The following AGBL1 variants were observed in gnomAD, a reference collection of about 807,000 sequenced individuals.
The protein encoded by AGBL1 is cytosolic carboxypeptidase 4.
A neutral mutation model predicts 118.9 loss-of-function variants in AGBL1; 130 were observed. The ratio of observed to expected loss-of-function variants is 1.09; its 90% CI spans 0.95 to 1.26. The LOEUF (loss-of-function observed/expected upper bound fraction) is 1.26. AGBL1 is among the 50% of genes most tolerant of loss of function. The pLI, the probability that AGBL1 is intolerant of heterozygous loss-of-function variation, is 0.00. For synonymous variants in AGBL1, 555 were observed against 478.9 expected (o/e 1.16, Z -2.08); for missense variants, 1,584 against 1,298.1 (o/e 1.22, Z -3.38).
intron 23 of AGBL1, among the ~76,000 whole-genome samples, chr15:86,984,006 G>C (rs2081256319): frequency 6.6e-6 from 1 of 152,160 alleles, no homozygotes; most frequent in South Asian, 2.1e-4. Flanking sequence ...ATAGGCATAT[G>C]CTTTATGTGG....
chr15:86,190,365 T>G (rs1428966218), intron 5 of AGBL1, among the ~76,000 whole-genome samples: 1 of 152,152 alleles, frequency 6.6e-6, no homozygotes, highest in Non-Finnish European at 1.5e-5. Flanking sequence ...CTTATTTTGT[T>G]GTTTAAATAT....
intron 18 of AGBL1, among the ~76,000 whole-genome samples, chr15:86,483,903 C>T (rs533961119): frequency 1.3e-5 from 2 of 152,236 alleles, no homozygotes; most frequent in South Asian, 4.1e-4. Context: ...AATGAAGCTT[C>T]TTGCTATTTT....
At chr15:86,974,422 T>G (rs1219578321) in intron 23 of AGBL1, among the ~76,000 whole-genome samples, 2 of 120,350 alleles carry the variant, frequency 1.7e-5, no homozygotes, top group Non-Finnish European at 3.3e-5. Flanking sequence ...ATAAACATAT[T>G]TTATATATTA....
Position 86,160,398 on chromosome 15 carries a change from T to A in AGBL1, c.488+1372T>A, listed in dbSNP as rs1369780331. Among the ~76,000 whole-genome samples the A allele has an allele frequency of 2.0e-5, 3 of 152,044 alleles. No homozygotes were observed. In the East Asian group the frequency reaches 5.8e-4, roughly 29 times the overall value. ...CAGGAATCTAAGTCAAATTAGTGAG[T>A]CTTTGGTTCATCCAGGGATTTCACT... On this transcript the variant is annotated intron_variant, in intron 5 of 22. Transcript: ENST00000614907.
intron 22 of AGBL1, among the ~76,000 whole-genome samples, chr15:86,680,565 C>CTTTTTTTTT (rs34873609): frequency 3.5e-3 from 327 of 94,694 alleles, no homozygotes; most frequent in East Asian, 7.2e-3. Flanking sequence ...TCTTTCTTTT[C>CTTTTTTTTT]TTTTTTTTTT....
intron 15 of AGBL1, among the ~76,000 whole-genome samples, chr15:86,275,644 A>G (rs1000656194): frequency 1.3e-5 from 2 of 152,242 alleles, no homozygotes; most frequent in African/African-American, 4.8e-5. Flanking sequence ...TTATGATTAT[A>G]AAAGTGCAGA....
intron 11 of AGBL1, among the ~76,000 whole-genome samples, 156 bp downstream of exon 11, chr15:86,264,994 T>C (rs2142036590): frequency 6.6e-6 from 1 of 152,338 alleles, no homozygotes; most frequent in Middle Eastern, 3.4e-3. Context: ...ACACACAAAC[T>C]TTGCTTCCTG....
intron 21 of AGBL1, among the ~76,000 whole-genome samples, chr15:86,562,335 G>A (rs1375994609): frequency 6.6e-6 from 1 of 152,158 alleles, no homozygotes; most frequent in Non-Finnish European, 1.5e-5. Context: ...CTAATTTCTT[G>A]AGAGTTTTTA....
At chr15:86,605,781 A>C (rs922494546) in intron 21 of AGBL1, among the ~76,000 whole-genome samples, 21 of 151,524 alleles carry the variant, frequency 1.4e-4, no homozygotes, top group African/African-American at 4.9e-4. Flanking sequence ...GTGTGTGTGC[A>C]TGTGTGTATG....
intron 21 of AGBL1, among the ~76,000 whole-genome samples, chr15:86,560,206 A>G (rs999039143): frequency 6.6e-6 from 1 of 151,770 alleles, no homozygotes; most frequent in Non-Finnish European, 1.5e-5. Flanking sequence ...TTTGTTACAT[A>G]TGTATACATG....
intron 18 of AGBL1, among the ~76,000 whole-genome samples, chr15:86,399,741 A>T (rs954157954): frequency 1.3e-5 from 2 of 152,206 alleles, no homozygotes; most frequent in Non-Finnish European, 2.9e-5. Flanking sequence ...CCTGGCCTGG[A>T]CACACATTAT....
chr15:86,268,794 T>C (rs2079112542), intron 13 of AGBL1, among the ~76,000 whole-genome samples: 1 of 152,106 alleles, frequency 6.6e-6, no homozygotes, highest in African/African-American at 2.4e-5. Context: ...CTCCATCAGA[T>C]AGCTCTACTC....
At chr15:86,431,768 G>C (rs1405639774) in intron 18 of AGBL1, among the ~76,000 whole-genome samples, 2 of 152,132 alleles carry the variant, frequency 1.3e-5, no homozygotes, top group South Asian at 2.1e-4. Context: ...CCCTATTATA[G>C]TGCTTATGAT....
intron 22 of AGBL1, among the ~76,000 whole-genome samples, chr15:86,826,900 T>A (rs771441045): frequency 4.6e-5 from 7 of 152,012 alleles, no homozygotes; most frequent in Non-Finnish European, 8.8e-5. Context: ...AGAATATGCC[T>A]GACATAATTA....
At chr15:86,206,278 G>A (rs991249623) in intron 5 of AGBL1, among the ~76,000 whole-genome samples, 8 of 152,176 alleles carry the variant, frequency 5.3e-5, no homozygotes, top group African/African-American at 1.9e-4. Flanking sequence ...AAACATACAT[G>A]TGCATGTATC....
intron 23 of AGBL1, among the ~76,000 whole-genome samples, chr15:86,933,860 AC>A (rs2080634743): frequency 6.6e-6 from 1 of 152,206 alleles, no homozygotes. Context: ...TTTGGGAAAA[AC>A]AACTCTAGTT....
intron 5 of AGBL1, among the ~76,000 whole-genome samples, chr15:86,174,921 G>A (rs1011424396): frequency 4.0e-5 from 6 of 151,892 alleles, no homozygotes; most frequent in Admixed American, 2.6e-4. Flanking sequence ...TTTTGTTGAG[G>A]ACTTTTGCAT....
chr15:86,120,634 C>T (rs1898040156), intron 1 of AGBL1, among the ~76,000 whole-genome samples: 1 of 152,202 alleles, frequency 6.6e-6, no homozygotes. Context: ...GTGCCACTGG[C>T]ACAAATTGTT....
intron 24 of AGBL1, among the ~76,000 whole-genome samples, chr15:87,001,462 T>C (rs1596726477): frequency 6.6e-6 from 1 of 152,032 alleles, no homozygotes; most frequent in Non-Finnish European, 1.5e-5. Flanking sequence ...GTCTTTATAG[T>C]AGCATGATTT....
Sources: allele counts gnomAD v4.1 joint callset (sites outside exome capture counted in the v4.1 genomes callset), GRCh38; gene constraint gnomAD v4.1.1; transcripts MANE v1.5; gene names NCBI Gene and HGNC (gene_info 2026-07-23, HGNC 2026-07-21).